CTDSPL: variants seen among roughly 807,000 people sequenced by gnomAD.
CTDSPL encodes CTD small phosphatase-like protein.
CTDSPL carries 8 observed loss-of-function variants against 30.5 expected under a neutral mutation model. That is an observed-to-expected ratio of 0.26 (90% CI 0.15 to 0.47). The LOEUF (loss-of-function observed/expected upper bound fraction) is 0.47, where lower values mean the gene tolerates loss of function less well. CTDSPL is among the 20% of genes least tolerant of loss of function. The pLI is 0.99. For missense variants in CTDSPL, 248 were observed against 366.1 expected, an observed-to-expected ratio of 0.68 and a Z score of 2.63; for synonymous variants, 110 against 137.9, an observed-to-expected ratio of 0.80 and a Z score of 1.42.
At chr3:37,878,007 A>G (rs1034428334) in intron 1 of CTDSPL, among the ~76,000 whole-genome samples, 2 of 151,984 alleles carry the variant, frequency 1.3e-5, no homozygotes, top group African/African-American at 4.8e-5. Flanking sequence ...CATCCAAACT[A>G]TATCACCTCC....
intron 1 of CTDSPL, among the ~76,000 whole-genome samples, chr3:37,938,843 GT>G (rs1483963036): frequency 6.7e-6 from 1 of 149,396 alleles, no homozygotes; most frequent in East Asian, 2.0e-4. Context: ...ACCATTTCAT[GT>G]TTTTAATTAC....
intron 3 of CTDSPL, among the ~76,000 whole-genome samples, chr3:37,961,853 G>A (rs1246505249): frequency 6.6e-6 from 1 of 152,106 alleles, no homozygotes; most frequent in East Asian, 1.9e-4. Context: ...AGAGTTTGTG[G>A]GATGGGCACT....
At chr3:37,881,832 G>C (rs1189680702) in intron 1 of CTDSPL, among the ~76,000 whole-genome samples, 2 of 152,168 alleles carry the variant, frequency 1.3e-5, no homozygotes, top group Non-Finnish European at 2.9e-5. Context: ...TTTGGAGAGA[G>C]AGGAAAGGAG....
rs374421574 is a variant in CTDSPL, at chr3:37,862,392, G to A, written c.79+114G>A. 44 of 834,742 alleles carry A rather than the reference G, an allele frequency of 5.3e-5. No individual in the cohort carries two copies. The African/African-American group carries it at 5.6e-4, about 11-fold the overall frequency. The allele number at this position is 834,742 out of a possible 1,614,324, so 51.7% of individuals were successfully genotyped here. ...GGGGAGGGGTGCACAGGGCCCGGAGGGTGCGTGGGTGTGGGGTGCGCCCGG... is the reference window on the plus strand; with the variant it reads ...GGGGAGGGGTGCACAGGGCCCGGAGAGTGCGTGGGTGTGGGGTGCGCCCGG... On this transcript the variant is annotated intron_variant, in intron 1 of 7. Transcript: ENST00000273179. This position sits in a 1 kb window ranked among gnomAD's most constrained non-coding sequence, Gnocchi z 4.3.
intron 1 of CTDSPL, among the ~76,000 whole-genome samples, chr3:37,923,147 G>A (rs1233498710): frequency 6.6e-6 from 1 of 152,228 alleles, no homozygotes; most frequent in Non-Finnish European, 1.5e-5. Context: ...AAGGTTCTGT[G>A]GAGGGAGGGA....
chr3:37,931,505 G>T (rs1021996629), intron 1 of CTDSPL, among the ~76,000 whole-genome samples: 1 of 151,910 alleles, frequency 6.6e-6, no homozygotes, highest in East Asian at 1.9e-4. Flanking sequence ...ATCCATTTGT[G>T]CTTAATTATG....
In CTDSPL at chr3:37,872,391, C is replaced by A. The variant is rs574457748; in HGVS notation, c.79+10113C>A. 5.6e-4 allele frequency among the ~76,000 whole-genome samples: 85 copies of A among 151,796 alleles called. 1 individual carries two copies. Among genetic ancestry groups the A allele is most frequent in the African/African-American group, 2.1e-3 (85 of 41,388 alleles). ...ATAATAAGCAAATTACAATTGAAAC[C>A]TGGACATTTTTGTATTATGTTATGA... On this transcript the variant is annotated intron_variant, in intron 1 of 7. Transcript: ENST00000273179.
chr3:37,916,232 T>G (rs970611521), intron 1 of CTDSPL, among the ~76,000 whole-genome samples: 1 of 152,204 alleles, frequency 6.6e-6, no homozygotes, highest in Admixed American at 6.5e-5. Flanking sequence ...CCTCACTACC[T>G]GCTAATTCTC....
chr3:37,869,836 T>C (rs1698053012), intron 1 of CTDSPL, among the ~76,000 whole-genome samples: 1 of 152,174 alleles, frequency 6.6e-6, no homozygotes, highest in African/African-American at 2.4e-5. Context: ...TTAACTTTTG[T>C]CTTATGCTTT....
Position 37,927,014 on chromosome 3 carries a change from C to T in CTDSPL, c.80-20043C>T, listed in dbSNP as rs377709561. On this transcript the variant is annotated intron_variant, in intron 1 of 7. Transcript: ENST00000273179. ...ACTTCACTTCTTGGTCACATCTTGG[C>T]CAGTAAAATGGGGGTAATGGTACAG... 2.6e-5 allele frequency among the ~76,000 whole-genome samples: 4 copies of T among 152,248 alleles called. No homozygotes were observed. The East Asian group carries it at 7.7e-4, about 29-fold the overall frequency.
intron 2 of CTDSPL, chr3:37,954,897 C>CA (rs1303435747): frequency 1.3e-5 from 2 of 152,352 alleles, no homozygotes; most frequent in African/African-American, 4.8e-5. Context: ...TGTATACACA[C>CA]ACATACATAC....
chr3:37,953,797 A>G (rs1699137225), intron 2 of CTDSPL, among the ~76,000 whole-genome samples: 1 of 152,242 alleles, frequency 6.6e-6, no homozygotes, highest in South Asian at 2.1e-4. Flanking sequence ...GCTATCTTCT[A>G]AAAATAAACA....
intron 1 of CTDSPL, among the ~76,000 whole-genome samples, chr3:37,901,205 G>C (rs1476818422): frequency 6.6e-6 from 1 of 152,172 alleles, no homozygotes; most frequent in Non-Finnish European, 1.5e-5. Flanking sequence ...AGCTGGACCT[G>C]CTCAGCCCCC....
rs764492044 is a variant in CTDSPL, at chr3:37,971,391, TC to T, written c.427-15del. 6 of 1,611,892 alleles carry T rather than the reference TC, an allele frequency of 3.7e-6. No individual in the cohort carries two copies. The highest frequency in any genetic ancestry group is 5.1e-6 in the Non-Finnish European group (6 of 1,178,644). On this transcript the variant is annotated splice_polypyrimidine_tract_variant and intron_variant, in intron 5 of 7. Transcript: ENST00000273179. The stretch of plus-strand genomic sequence containing the variant: ...ACTGCCACATCTGACCAGCCTGCTG[TC>T]TCCTGCCATTGCAGGTGTATGTGCT...
At chr3:37,931,338 G>A (rs62239985) in intron 1 of CTDSPL, among the ~76,000 whole-genome samples, 8,787 of 151,854 alleles carry the variant, frequency 0.058, 287 homozygotes, top group African/African-American at 0.083. Flanking sequence ...TTTAAAAGAT[G>A]GGGTCTCACT....
chr3:37,883,193 A>C (rs898582636), intron 1 of CTDSPL, among the ~76,000 whole-genome samples: 1 of 152,242 alleles, frequency 6.6e-6, no homozygotes, highest in African/African-American at 2.4e-5. Flanking sequence ...GTCATCTTAA[A>C]AGAAATCCAG....
rs370634969 is a variant in CTDSPL at position 37,972,705 on chromosome 3, G to A, written c.519+1206G>A. Among the ~76,000 whole-genome samples the A allele has an allele frequency of 1.8e-3, 280 of 152,360 alleles. 7 individuals are homozygous for A. The South Asian group carries it at 0.05, about 27-fold the overall frequency. On this transcript the variant is annotated intron_variant, in intron 6 of 7. Coordinates refer to ENST00000273179, the MANE Select transcript of CTDSPL (RefSeq NM_001008392.2). ...ACAGGTGTGGCAGGGTGCCTGTGCT[G>A]TGTGGGGCAGGCAGGGTAGGCCTTG...
intron 1 of CTDSPL, among the ~76,000 whole-genome samples, chr3:37,880,771 C>T (rs1698194285): frequency 6.6e-6 from 1 of 152,104 alleles, no homozygotes; most frequent in African/African-American, 2.4e-5. Context: ...TAGAAGGAAA[C>T]TGTGCTAAGG....
At chr3:37,869,935 C>T (rs1266579689) in intron 1 of CTDSPL, among the ~76,000 whole-genome samples, 1 of 152,148 alleles carries the variant, frequency 6.6e-6, no homozygotes, top group Non-Finnish European at 1.5e-5. Context: ...TTGAACCAGA[C>T]TTGCGTCCAT....
Sources: gnomAD v4.1 joint callset for allele counts (sites outside exome capture counted in the v4.1 genomes callset) on GRCh38, gnomAD v4.1.1 for gene constraint, Gnocchi (gnomAD v3.1) non-coding constraint, MANE v1.5 for transcripts, NCBI Gene and HGNC (gene_info 2026-07-23, HGNC 2026-07-21) for gene names.